Variants in SRRM1 observed in about 807,000 individuals in gnomAD.
SRRM1 encodes serine and arginine repetitive matrix 1, also known as serine/arginine repetitive matrix protein 1.
In SRRM1, 19 loss-of-function variants were observed where a neutral mutation model predicts 110.2. The ratio of observed to expected loss-of-function variants is 0.17; its 90% confidence interval spans 0.12 to 0.25. The LOEUF (loss-of-function observed/expected upper bound fraction) is 0.25, where lower values mean the gene tolerates loss of function less well. SRRM1 is among the 10% of genes least tolerant of loss of function. The pLI, the probability that SRRM1 is intolerant of heterozygous loss-of-function variation, is 1.00. For synonymous variants in SRRM1, 443 were observed against 414.9 expected (o/e 1.07, Z -0.82); for missense variants, 918 against 1,145.8 (o/e 0.80, Z 2.87).
In SRRM1 at chr1:24,652,482, A is replaced by C. The variant is rs777412785; in HGVS notation, c.774A>C (p.Glu258Asp). The C allele has an allele frequency of 6.2e-7, 1 of 1,612,284 alleles. No homozygotes were observed. The highest frequency in any genetic ancestry group is 8.5e-7 in the Non-Finnish European group (1 of 1,179,506). Residue 258 changes from glutamate (E) to aspartate (D), a missense_variant, in exon 7 of 17, where the codon GAA (glutamate) becomes GAC (aspartate). Coordinates refer to ENST00000323848, the MANE Select transcript of SRRM1 (RefSeq NM_005839.4). ...PKPEPIPEPK[E>D]PSPEKNSKKE... Reference sequence around the variant, plus strand: ...CTGAACCTATACCAGAGCCTAAAGAACCTTCTCCGGAAAAAAATTCCAAAA... The same window carrying C: ...CTGAACCTATACCAGAGCCTAAAGACCCTTCTCCGGAAAAAAATTCCAAAA...
intron 5 of SRRM1, among the ~76,000 whole-genome samples, chr1:24,650,817 A>G (rs1238365465): frequency 6.6e-6 from 1 of 152,202 alleles, no homozygotes; most frequent in Non-Finnish European, 1.5e-5. Flanking sequence ...CTACTTGACT[A>G]TTGATGAAGT....
intron 6 of SRRM1, among the ~76,000 whole-genome samples, chr1:24,652,027 A>G (rs1169808143): frequency 1.9e-5 from 1 of 52,382 alleles, no homozygotes; most frequent in Non-Finnish European, 3.5e-5. Context: ...ATCTGTACTA[A>G]AAATATATAT....
intron 3 of SRRM1, chr1:24,648,431 G>A (rs189562900): frequency 6.5e-5 from 10 of 154,764 alleles, no homozygotes; most frequent in African/African-American, 2.2e-4. Context: ...AAAGCTATCT[G>A]TAGTGTTAGG....
At chr1:24,644,274 A>G (rs1041048168) in intron 1 of SRRM1, among the ~76,000 whole-genome samples, 14 of 152,138 alleles carry the variant, frequency 9.2e-5, no homozygotes, top group African/African-American at 2.7e-4. Context: ...CCTGTAGGAA[A>G]TTAGTACTAG....
intron 6 of SRRM1, among the ~76,000 whole-genome samples, chr1:24,652,032 ATAT>A (rs1557670708): frequency 3.3e-4 from 25 of 76,738 alleles, no homozygotes; most frequent in African/African-American, 1.8e-3. Flanking sequence ...TACTAAAAAT[ATAT>A]ATATATATAT....
chr1:24,666,794 C>T (rs910031787), intron 12 of SRRM1, 21 bp from the exon 13 acceptor site: 1 of 1,595,710 alleles, frequency 6.3e-7, no homozygotes, highest in South Asian at 1.1e-5. Flanking sequence ...AAAAAATTAA[C>T]TATAATTCTT....
At chr1:24,646,608 C>T in intron 2 of SRRM1, 59 bp from the exon 3 acceptor site, 4 of 1,469,652 alleles carry the variant, frequency 2.7e-6, no homozygotes, top group Non-Finnish European at 3.6e-6. Context: ...AGAACTCTAA[C>T]TTGAGCATTT....
intron 9 of SRRM1, among the ~76,000 whole-genome samples, chr1:24,657,673 A>T (rs1198991261): frequency 1.3e-5 from 2 of 152,222 alleles, no homozygotes; most frequent in Non-Finnish European, 2.9e-5. Context: ...TTTGGAATAC[A>T]GTATACAGTC....
chr1:24,670,600 C>G (rs1571149043), intron 15 of SRRM1, among the ~76,000 whole-genome samples: 1 of 152,156 alleles, frequency 6.6e-6, no homozygotes, highest in Non-Finnish European at 1.5e-5. Flanking sequence ...CAGGTGATCC[C>G]TTCGCCTCAG....
chr1:24,667,815 T>C (rs914848240), intron 13 of SRRM1, among the ~76,000 whole-genome samples: 1 of 152,148 alleles, frequency 6.6e-6, no homozygotes, highest in Admixed American at 6.5e-5. Flanking sequence ...AATTTTCTTA[T>C]GGTTATATAA....
At chr1:24,649,405 A>G (rs111989793) in intron 4 of SRRM1, among the ~76,000 whole-genome samples, 1 of 152,270 alleles carries the variant, frequency 6.6e-6, no homozygotes, top group African/African-American at 2.4e-5. Flanking sequence ...TGCAGCTTTC[A>G]CCTCCTGAGT....
At chr1:24,653,068 G>A in intron 8 of SRRM1, 36 bp downstream of exon 8, 1 of 1,592,294 alleles carries the variant, frequency 6.3e-7, no homozygotes. Flanking sequence ...TCAAGTGTTT[G>A]ACACTTCTGG....
intron 7 of SRRM1, 25 bp from the exon 8 acceptor site, chr1:24,652,888 G>T: frequency 1.2e-6 from 2 of 1,606,772 alleles, no homozygotes; most frequent in South Asian, 1.1e-5. Flanking sequence ...GTTTATTCAG[G>T]ACCTAATTCT....
At chr1:24,661,744 G>T (rs1667321398) in intron 11 of SRRM1, among the ~76,000 whole-genome samples, 1 of 152,154 alleles carries the variant, frequency 6.6e-6, no homozygotes, top group Non-Finnish European at 1.5e-5. Context: ...CTCAACTGTA[G>T]ATATGTTGCC....
intron 8 of SRRM1, among the ~76,000 whole-genome samples, chr1:24,654,566 CTAGT>C (rs775913126): frequency 2.0e-5 from 3 of 152,162 alleles, no homozygotes; most frequent in African/African-American, 7.2e-5. Flanking sequence ...GGCAGAAGGA[CTAGT>C]TAGTTATTTT....
intron 1 of SRRM1, chr1:24,643,744 C>T (rs1026517121): frequency 3.5e-5 from 8 of 228,410 alleles, no homozygotes; most frequent in East Asian, 8.9e-5. Context: ...TCACTGGTGG[C>T]GGCAGGGCAG....
In SRRM1 at chr1:24,646,807, G is replaced by A. The variant is rs765145556; in HGVS notation, c.234+18G>A. The A allele has an allele frequency of 6.4e-7, 1 of 1,553,986 alleles. No individual in the cohort carries two copies. The highest frequency in any genetic ancestry group is 2.2e-5 in the Admixed American group (1 of 45,460). On this transcript the variant is annotated intron_variant, in intron 3 of 16. Coordinates refer to ENST00000323848, the MANE Select transcript of SRRM1 (RefSeq NM_005839.4). ...AAGTGAAGGTACTAATATACAAATG[G>A]CTCTTGTTTCTGAATATGTGATATA...
chr1:24,658,600 C>G (rs1252313331), intron 9 of SRRM1, among the ~76,000 whole-genome samples: 1 of 152,128 alleles, frequency 6.6e-6, no homozygotes, highest in Non-Finnish European at 1.5e-5. Context: ...CCAAAGCAAG[C>G]TTGGGAACCC....
Position 24,670,163 on chromosome 1 carries a change from T to A in SRRM1, c.2248T>A (p.Ser750Thr). The change falls in exon 15 of 17, where the codon TCC becomes ACC. Residue 750 changes from serine (S) to threonine (T), a missense_variant. Coordinates refer to ENST00000323848, the MANE Select transcript of SRRM1 (RefSeq NM_005839.4). ...SPQSVRRVSS[S>T]RSVSGSPEPA... ...ACAGTCTGTAAGAAGGGTCTCATCC[T>A]CCCGATCTGTCTCCGGGTCTCCTGA... 1 of 1,613,262 alleles carries A rather than the reference T, an allele frequency of 6.2e-7. No individual in the cohort carries two copies. The highest frequency in any genetic ancestry group is 2.2e-5 in the East Asian group (1 of 44,808).
Sources: gnomAD v4.1 joint callset for allele counts (sites outside exome capture counted in the v4.1 genomes callset) on GRCh38, gnomAD v4.1.1 for gene constraint, MANE v1.5 for transcripts, NCBI Gene and HGNC (gene_info 2026-07-23, HGNC 2026-07-21) for gene names.